DACH2: variants seen among roughly 807,000 people sequenced by gnomAD.
The protein encoded by DACH2 is dachshund homolog 2.
In DACH2, 17 loss-of-function variants were observed where a neutral mutation model predicts 35.8. That is an observed-to-expected ratio of 0.48 (90% CI 0.33 to 0.71). DACH2 has a LOEUF of 0.71. Among genes scored for constraint, DACH2 ranks in the 30% least tolerant of loss-of-function variants. The pLI is 0.02. For synonymous variants in DACH2, 195 were observed against 177.3 expected (o/e 1.10, Z -0.79); for missense variants, 469 against 472.7 (o/e 0.99, Z 0.07).
At chrX:86,618,431 T>C (rs989990531) in intron 3 of DACH2, among the ~76,000 whole-genome samples, 2 of 112,016 alleles carry the variant, frequency 1.8e-5, no homozygotes, top group Non-Finnish European at 3.8e-5. Context: ...TGTTTTTGCT[T>C]ATAATCTTTG....
intron 2 of DACH2, among the ~76,000 whole-genome samples, chrX:86,410,900 CCTAT>C (rs1454835395): frequency 2.8e-5 from 3 of 105,576 alleles, no homozygotes; most frequent in East Asian, 3.1e-4. Context: ...AACAGTTCAG[CCTAT>C]CTTTTTGCCA....
intron 6 of DACH2, among the ~76,000 whole-genome samples, chrX:86,721,064 A>G (rs2041400829): frequency 8.9e-6 from 1 of 112,461 alleles, no homozygotes; most frequent in Non-Finnish European, 1.9e-5. Flanking sequence ...CCTAGGCTGC[A>G]CACAGCAGGG....
At chrX:86,546,894 T>C (rs1339621136) in intron 3 of DACH2, among the ~76,000 whole-genome samples, 1 of 110,632 alleles carries the variant, frequency 9.0e-6, no homozygotes, top group Non-Finnish European at 1.9e-5. Flanking sequence ...ACTTACCTAC[T>C]TTTTTGCAGG....
At chrX:86,552,679 C>T (rs1422774340) in intron 3 of DACH2, among the ~76,000 whole-genome samples, 2 of 111,481 alleles carry the variant, frequency 1.8e-5, no homozygotes, top group African/African-American at 6.5e-5. Context: ...TGAGAAATGC[C>T]TTCATTAATT....
At chrX:86,274,463 TTC>T (rs2033872947) in intron 1 of DACH2, among the ~76,000 whole-genome samples, 2 of 28,752 alleles carry the variant, frequency 7.0e-5, no homozygotes, top group African/African-American at 4.0e-4. Flanking sequence ...TTTTTTTTTT[TTC>T]TTTTTTTTTT....
At chrX:86,646,446 T>A (rs560798641) in intron 3 of DACH2, among the ~76,000 whole-genome samples, 1 of 110,005 alleles carries the variant, frequency 9.1e-6, no homozygotes, top group South Asian at 3.8e-4. Flanking sequence ...TACTTTTATT[T>A]AAAAAAAATG....
intron 7 of DACH2, among the ~76,000 whole-genome samples, chrX:86,810,651 T>C (rs181828908): frequency 1.5e-3 from 172 of 111,630 alleles, no homozygotes; most frequent in African/African-American, 5.4e-3. Flanking sequence ...AACAATGCAA[T>C]TGAAGCATAA....
At chrX:86,296,952 A>T (rs1338400116) in intron 1 of DACH2, among the ~76,000 whole-genome samples, 1 of 108,814 alleles carries the variant, frequency 9.2e-6, no homozygotes, top group Non-Finnish European at 1.9e-5. Flanking sequence ...GTCATAACAT[A>T]CACATGCATG....
chrX:86,240,966 G>A (rs1201402140), intron 1 of DACH2, among the ~76,000 whole-genome samples: 1 of 111,679 alleles, frequency 9.0e-6, no homozygotes, highest in East Asian at 2.8e-4. Context: ...TCTACAGCCT[G>A]TGGAACTGTG....
At chrX:86,749,854 T>C (rs969092015) in intron 7 of DACH2, among the ~76,000 whole-genome samples, 6 of 111,626 alleles carry the variant, frequency 5.4e-5, no homozygotes, top group Admixed American at 1.9e-4. Flanking sequence ...GTGAAATTGT[T>C]TTGTTAATTT....
chrX:86,556,324 T>C (rs930422339), intron 3 of DACH2, among the ~76,000 whole-genome samples: 2 of 110,888 alleles, frequency 1.8e-5, no homozygotes, highest in Non-Finnish European at 3.8e-5. Flanking sequence ...TCTTATCTCA[T>C]TTAACTCCCG....
chrX:86,546,658 G>A (rs767328147), intron 3 of DACH2, among the ~76,000 whole-genome samples: 8 of 105,577 alleles, frequency 7.6e-5, no homozygotes, highest in Non-Finnish European at 1.9e-5. Flanking sequence ...GGGATTACAG[G>A]CGCGTGCCAC....
intron 1 of DACH2, among the ~76,000 whole-genome samples, chrX:86,240,605 C>T (rs1400601222): frequency 9.1e-6 from 1 of 109,480 alleles, no homozygotes; most frequent in Non-Finnish European, 1.9e-5. Flanking sequence ...GTAGCTGGGA[C>T]TATAAGCACA....
chrX:86,521,893 T>A (rs1180278561), intron 3 of DACH2, among the ~76,000 whole-genome samples: 1 of 111,481 alleles, frequency 9.0e-6, no homozygotes, highest in Admixed American at 9.6e-5. Flanking sequence ...TTAGAAAAGG[T>A]TCAGGCATCA....
chrX:86,549,393 G>C (rs1373233135), intron 3 of DACH2, among the ~76,000 whole-genome samples: 1 of 111,052 alleles, frequency 9.0e-6, no homozygotes, highest in African/African-American at 3.3e-5. Flanking sequence ...ATGTTTAATA[G>C]AGTTTTGCAC....
intron 4 of DACH2, among the ~76,000 whole-genome samples, chrX:86,662,365 G>A (rs760488778): frequency 3.5e-4 from 39 of 111,492 alleles, no homozygotes; most frequent in Non-Finnish European, 7.5e-5. Context: ...AGGCCGAGGC[G>A]GGCAGATCAC....
intron 4 of DACH2, among the ~76,000 whole-genome samples, chrX:86,653,441 A>G (rs1313232795): frequency 2.7e-5 from 3 of 111,053 alleles, no homozygotes; most frequent in African/African-American, 9.8e-5. Flanking sequence ...CCAGTCTTGC[A>G]CAGGTCCCTG....
rs1602407447 is a variant in DACH2 at position 86,327,296 on chromosome X, C to T, written c.489-49528C>T. Among the ~76,000 whole-genome samples, 4 of 111,838 alleles carry T rather than the reference C, an allele frequency of 3.6e-5. 1 individual carries two copies. The highest frequency in any genetic ancestry group is 6.5e-5 in the African/African-American group (2 of 30,885). On this transcript the variant is annotated intron_variant, in intron 1 of 11. Coordinates refer to ENST00000373125, the MANE Select transcript of DACH2 (RefSeq NM_053281.3). ...AAAGGAGCTGTTAATTATAAATACTCCTTTTATCATTACTTGCAGATTCTG... is the reference window on the plus strand; with the variant it reads ...AAAGGAGCTGTTAATTATAAATACTTCTTTTATCATTACTTGCAGATTCTG...
At chrX:86,308,548 G>C (rs2034735561) in intron 1 of DACH2, among the ~76,000 whole-genome samples, 1 of 112,261 alleles carries the variant, frequency 8.9e-6, no homozygotes, top group Admixed American at 9.4e-5. Flanking sequence ...TATAAAAACA[G>C]AGAATCATGG....
Sources: gnomAD v4.1 joint callset for allele counts (sites outside exome capture counted in the v4.1 genomes callset) on GRCh38, gnomAD v4.1.1 for gene constraint, MANE v1.5 for transcripts, NCBI Gene and HGNC (gene_info 2026-07-23, HGNC 2026-07-21) for gene names.